GDAP2: variants seen among roughly 807,000 people sequenced by gnomAD.
GDAP2 encodes the protein ganglioside-induced differentiation-associated protein 2.
In GDAP2, 51 loss-of-function variants were observed where a neutral mutation model predicts 67.0. That is an observed-to-expected ratio of 0.76 (90% confidence interval 0.61 to 0.96). GDAP2 has a LOEUF of 0.96. Among genes scored for constraint, GDAP2 ranks in the 40% least tolerant of loss-of-function variants. GDAP2 has a pLI of 0.00. For missense variants in GDAP2, 547 were observed against 588.3 expected (o/e 0.93, Z 0.73); for synonymous variants, 203 against 207.3 (o/e 0.98, Z 0.18).
chr1:117,912,700 C>A lies in GDAP2; in HGVS notation c.317-17G>T, dbSNP rs776198241. ...TTCGGCACCCTGAAAACAATGGAAA[C>A]ACACATAAGTTTGGATGTGTTAGGA... On this transcript the variant is annotated splice_polypyrimidine_tract_variant and intron_variant, in intron 3 of 13. Coordinates refer to ENST00000369443, the MANE Select transcript of GDAP2 (RefSeq NM_017686.4). The A allele has an allele frequency of 2.5e-6, 4 of 1,607,636 alleles. No individual in the cohort carries two copies. Among genetic ancestry groups the A allele is most frequent in the South Asian group, 2.2e-5 (2 of 90,606 alleles).
At chr1:117,880,739 C>T (rs1397759893) in intron 12 of GDAP2, among the ~76,000 whole-genome samples, 1 of 152,194 alleles carries the variant, frequency 6.6e-6, no homozygotes, top group African/African-American at 2.4e-5. Context: ...CTTAATCTCT[C>T]TAAGCATCAA....
chr1:117,917,713 G>T (rs940389701), intron 3 of GDAP2, among the ~76,000 whole-genome samples: 1 of 152,118 alleles, frequency 6.6e-6, no homozygotes, highest in Non-Finnish European at 1.5e-5. Context: ...TTGTATATTT[G>T]TGTTAAATTT....
At chr1:117,918,000 C>G (rs1650108411) in intron 3 of GDAP2, among the ~76,000 whole-genome samples, 1 of 152,134 alleles carries the variant, frequency 6.6e-6, no homozygotes, top group Non-Finnish European at 1.5e-5. Flanking sequence ...TTTCATAGAG[C>G]CAGCACTTAT....
rs904868041 is a variant in GDAP2 at position 117,863,700 on chromosome 1, T to G, written c.*6869A>C. The G allele has an allele frequency of 6.6e-6, 1 of 152,252 alleles. No individual in the cohort carries two copies. The highest frequency in any genetic ancestry group is 1.5e-5 in the Non-Finnish European group (1 of 68,038). The allele number at this position is 152,252 out of a possible 1,614,324, so 9.4% of individuals were successfully genotyped here. ...ATAAGCAATTTACATTGATATTCTA[T>G]ATTTAAATTATGTTTTATAAAAGCA... On this transcript the variant is annotated 3_prime_UTR_variant, in exon 14 of 14. Coordinates refer to ENST00000369443, the MANE Select transcript of GDAP2 (RefSeq NM_017686.4).
chr1:117,916,824 A>G (rs773867176), intron 3 of GDAP2, among the ~76,000 whole-genome samples: 1 of 152,182 alleles, frequency 6.6e-6, no homozygotes, highest in African/African-American at 2.4e-5. Flanking sequence ...ACTTGAGGTC[A>G]GGAGTTCAAG....
At chr1:117,885,635 TCA>T (rs1456419030) in intron 10 of GDAP2, among the ~76,000 whole-genome samples, 1 of 152,236 alleles carries the variant, frequency 6.6e-6, no homozygotes, top group Non-Finnish European at 1.5e-5. Flanking sequence ...TTCAGTGCTT[TCA>T]CAGTTTTTTT....
chr1:117,870,359 T>G lies in GDAP2; in HGVS notation c.*210A>C, dbSNP rs976932168. On this transcript the variant is annotated 3_prime_UTR_variant, in exon 14 of 14. Transcript: ENST00000369443. ...TGAACATTTCCATTTCATATAAATA[T>G]ACAAATTTAAAATGTGTGCAGTTCA... 5.6e-6 allele frequency: 3 copies of G among 539,184 alleles called. No homozygotes were observed. The African/African-American group carries it at 5.8e-5, about 11-fold the overall frequency. The allele number at this position is 539,184 out of a possible 1,614,324, so 33.4% of individuals were successfully genotyped here.
At chr1:117,890,855 G>A (rs996851646) in intron 8 of GDAP2, among the ~76,000 whole-genome samples, 5 of 151,818 alleles carry the variant, frequency 3.3e-5, no homozygotes, top group Admixed American at 6.6e-5. Flanking sequence ...ACATTCATCC[G>A]TATCACTGGA....
intron 10 of GDAP2, among the ~76,000 whole-genome samples, chr1:117,886,071 G>C (rs1648842010): frequency 6.6e-6 from 1 of 151,856 alleles, no homozygotes; most frequent in African/African-American, 2.4e-5. Context: ...ACCTTTTTTG[G>C]ACTACTAATC....
At chr1:117,879,531 C>G (rs115708405) in intron 12 of GDAP2, among the ~76,000 whole-genome samples, 1,711 of 152,196 alleles carry the variant, frequency 0.011, 12 homozygotes, top group Non-Finnish European at 0.018. Flanking sequence ...ATTTACTGAG[C>G]ACTTATTATA....
At chr1:117,915,727 C>A (rs934034678) in intron 3 of GDAP2, among the ~76,000 whole-genome samples, 1 of 152,124 alleles carries the variant, frequency 6.6e-6, no homozygotes, top group Non-Finnish European at 1.5e-5. Context: ...TTTCTAAATT[C>A]ACAAAGTGAA....
At chr1:117,894,617 G>C (rs1649205282) in intron 8 of GDAP2, among the ~76,000 whole-genome samples, 1 of 152,186 alleles carries the variant, frequency 6.6e-6, no homozygotes, top group Non-Finnish European at 1.5e-5. Flanking sequence ...TCTGCATATT[G>C]AAGTGTGAAG....
rs1415404524 is a variant in GDAP2 at position 117,869,840 on chromosome 1, G to T, written c.*729C>A. ...GAGTACTAATATGTGCGGTCCTTTT[G>T]AATAAGACCAAATCATCCATGATTA... On this transcript the variant is annotated 3_prime_UTR_variant, in exon 14 of 14. Coordinates refer to ENST00000369443, the MANE Select transcript of GDAP2 (RefSeq NM_017686.4). 1 of 152,312 alleles carries T rather than the reference G, an allele frequency of 6.6e-6. No homozygotes were observed. Among genetic ancestry groups the T allele is most frequent in the African/African-American group, 2.4e-5 (1 of 41,434 alleles). 9.4% of individuals were successfully genotyped at this position (152,312 alleles called of 1,614,324 possible).
In GDAP2 at chr1:117,902,617, C is replaced by T. The variant is rs541539341; in HGVS notation, c.637-3401G>A. On this transcript the variant is annotated intron_variant, in intron 6 of 13. Transcript: ENST00000369443. Reference sequence around the variant, plus strand: ...CTGTCAGAAATTCCATTCCACTGACCTATACGTTTATCCTTATGCCAGTAC... The same window carrying T: ...CTGTCAGAAATTCCATTCCACTGACTTATACGTTTATCCTTATGCCAGTAC... 5.9e-5 allele frequency among the ~76,000 whole-genome samples: 9 copies of T among 152,264 alleles called. No homozygotes were observed. In the South Asian group the frequency reaches 1.9e-3, roughly 32 times the overall value.
At chr1:117,921,550 A>G (rs1650255160) in intron 1 of GDAP2, among the ~76,000 whole-genome samples, 1 of 152,200 alleles carries the variant, frequency 6.6e-6, no homozygotes, top group South Asian at 2.1e-4. Flanking sequence ...GGATCTTGGT[A>G]TATTACAGGA....
Position 117,870,406 on chromosome 1 carries a change from T to C in GDAP2, c.*163A>G, listed in dbSNP as rs112021108. ...TTCAGAATGGCCTACCATTTTTAGA[T>C]TGCTTATGTGCCAGAAAATATACAG... On this transcript the variant is annotated 3_prime_UTR_variant, in exon 14 of 14. Transcript: ENST00000369443. 4.1e-5 allele frequency: 25 copies of C among 610,912 alleles called. No homozygotes were observed. The highest frequency in any genetic ancestry group is 3.6e-4 in the African/African-American group (19 of 53,304). The allele number at this position is 610,912 out of a possible 1,614,324, so 37.8% of individuals were successfully genotyped here.
At chr1:117,887,216 C>T (rs1049830985) in intron 9 of GDAP2, among the ~76,000 whole-genome samples, 4 of 152,102 alleles carry the variant, frequency 2.6e-5, no homozygotes, top group South Asian at 4.1e-4. Flanking sequence ...AGATATGAGC[C>T]ACGATGCCCA....
chr1:117,887,717 T>C lies in GDAP2; in HGVS notation c.1011A>G (p.Leu337=). Residue 337 remains leucine (L), a synonymous_variant, in exon 9 of 14, where the codon CTA becomes CTG. Coordinates refer to ENST00000369443, the MANE Select transcript of GDAP2 (RefSeq NM_017686.4). The part of the protein sequence containing the change: ...RSEDLSDIAS[L]KALYQTGVDN... ...GCTCACCTGTTTGGTATAAGGCTTT[T>C]AGAGAAGCAATATCAGACAGATCCT... is the stretch of plus-strand genomic sequence containing the variant. 4 of 1,571,256 alleles carry C rather than the reference T, an allele frequency of 2.5e-6. No individual in the cohort carries two copies. The highest frequency in any genetic ancestry group is 3.5e-6 in the Non-Finnish European group (4 of 1,141,552).
intron 12 of GDAP2, among the ~76,000 whole-genome samples, chr1:117,880,045 C>T (rs1337776262): frequency 1.3e-5 from 2 of 152,080 alleles, no homozygotes; most frequent in African/African-American, 4.8e-5. Context: ...ATTAGCCAGA[C>T]ATGATGGTGC....
Sources: allele counts gnomAD v4.1 joint callset (sites outside exome capture counted in the v4.1 genomes callset), GRCh38; gene constraint gnomAD v4.1.1; transcripts MANE v1.5; gene names NCBI Gene and HGNC (gene_info 2026-07-23, HGNC 2026-07-21).